Variants in L3MBTL4 observed in about 807,000 individuals in gnomAD.
L3MBTL4 encodes lethal(3)malignant brain tumor-like protein 4.
L3MBTL4 carries 70 observed loss-of-function variants against 84.5 expected under a neutral mutation model. The observed-to-expected ratio is 0.83, with a 90% CI of 0.68 to 1.01. The LOEUF is 1.01. Among genes scored for constraint, L3MBTL4 ranks in the 50% least tolerant of loss-of-function variants. L3MBTL4 has a pLI of 0.00. For missense variants in L3MBTL4, 715 were observed against 754.8 expected, an observed-to-expected ratio of 0.95 and a Z score of 0.62; for synonymous variants, 274 against 259.8, an observed-to-expected ratio of 1.05 and a Z score of -0.52.
chr18:6,163,362 C>T (rs1366255550), intron 13 of L3MBTL4, among the ~76,000 whole-genome samples: 2 of 147,806 alleles, frequency 1.4e-5, no homozygotes, highest in African/African-American at 5.0e-5. Flanking sequence ...TATATTGAAC[C>T]ACATCACAAG....
chr18:6,000,704 T>C (rs1481400141), intron 16 of L3MBTL4, among the ~76,000 whole-genome samples: 2 of 152,204 alleles, frequency 1.3e-5, no homozygotes, highest in East Asian at 1.9e-4. Context: ...GGGCATACCA[T>C]GTGCCACATT....
intron 14 of L3MBTL4, among the ~76,000 whole-genome samples, chr18:6,112,418 C>G (rs1306878283): frequency 6.6e-6 from 1 of 152,152 alleles, no homozygotes; most frequent in East Asian, 1.9e-4. Flanking sequence ...ATAAGCATGT[C>G]TTTAGGTATT....
chr18:6,370,774 G>A (rs939361098), intron 1 of L3MBTL4, among the ~76,000 whole-genome samples: 2 of 152,140 alleles, frequency 1.3e-5, no homozygotes, highest in African/African-American at 4.8e-5. Flanking sequence ...CAGGGACAGG[G>A]CTGAAGCACT....
intron 4 of L3MBTL4, among the ~76,000 whole-genome samples, chr18:6,293,904 G>A (rs368426917): frequency 2.0e-5 from 3 of 152,144 alleles, no homozygotes; most frequent in African/African-American, 4.8e-5. Context: ...CAGATTGAGG[G>A]GACGGGAGAT....
chr18:6,307,580 G>A (rs944305378), intron 3 of L3MBTL4, among the ~76,000 whole-genome samples: 9 of 152,108 alleles, frequency 5.9e-5, no homozygotes, highest in Non-Finnish European at 1.2e-4. Context: ...TCAAGCTCCC[G>A]ATGACTCTAC....
intron 16 of L3MBTL4, among the ~76,000 whole-genome samples, chr18:6,044,832 A>C (rs2056546267): frequency 6.6e-6 from 1 of 152,170 alleles, no homozygotes; most frequent in African/African-American, 2.4e-5. Context: ...TTGTACCTAA[A>C]GACCATAGAA....
At chr18:6,099,605 T>G (rs1275570926) in intron 14 of L3MBTL4, among the ~76,000 whole-genome samples, 3 of 118,998 alleles carry the variant, frequency 2.5e-5, no homozygotes, top group African/African-American at 8.8e-5. Context: ...TATATATATA[T>G]ATGGAGAGAG....
At position 6,233,947 on chromosome 18, in the gene L3MBTL4, T is replaced by C. The variant is rs150950294; in HGVS notation, c.784+4017A>G. ...CAAGACTACAGTAACCATAACAGCATGGTACTGGTACCAAAACAGAGATAT... is the reference window on the plus strand; with the variant it reads ...CAAGACTACAGTAACCATAACAGCACGGTACTGGTACCAAAACAGAGATAT... On this transcript the variant is annotated intron_variant, in intron 10 of 18. Coordinates refer to ENST00000317931, the MANE Select transcript of L3MBTL4 (RefSeq NM_001330559.2). Among the ~76,000 whole-genome samples the C allele has an allele frequency of 4.0e-3, 608 of 152,288 alleles. 3 individuals are homozygous for C. The highest frequency in any genetic ancestry group is 0.013 in the African/African-American group (560 of 41,554).
intron 3 of L3MBTL4, among the ~76,000 whole-genome samples, chr18:6,305,450 A>T (rs867023291): frequency 2.0e-4 from 30 of 152,350 alleles, no homozygotes; most frequent in African/African-American, 7.0e-4. Flanking sequence ...CTACACTGCT[A>T]TTAATGAACA....
At position 5,969,427 on chromosome 18, in the gene L3MBTL4, C is replaced by T. The variant is rs755021468; in HGVS notation, c.1580G>A (p.Arg527Gln). 18 of 1,613,712 alleles carry T rather than the reference C, an allele frequency of 1.1e-5. No homozygotes were observed. The highest frequency in any genetic ancestry group is 6.7e-5 in the East Asian group (3 of 44,860). The change falls in exon 17 of 19, where the codon CGG becomes CAG. Residue 527 changes from arginine to glutamine, a missense_variant. Physicochemically the swap from Arg to Gln is conservative, Grantham distance 43 (BLOSUM62 1). Coordinates refer to ENST00000317931, the MANE Select transcript of L3MBTL4 (RefSeq NM_001330559.2). ...CKLLPGVADI[R>Q]ASQVARWTVD... Reference sequence around the variant, plus strand: ...AGTCCAACGTGCCACTTGGCTGGCCCGGATGTCAGCCACGCCTGGAAGCAA... The same window carrying T: ...AGTCCAACGTGCCACTTGGCTGGCCTGGATGTCAGCCACGCCTGGAAGCAA...
intron 1 of L3MBTL4, among the ~76,000 whole-genome samples, chr18:6,332,995 C>A (rs2052120720): frequency 1.3e-5 from 2 of 151,936 alleles, no homozygotes; most frequent in African/African-American, 4.8e-5. Flanking sequence ...TTAACTATAC[C>A]CTACTTTGTG....
intron 5 of L3MBTL4, among the ~76,000 whole-genome samples, chr18:6,250,655 C>T (rs1261949358): frequency 6.6e-6 from 1 of 151,994 alleles, no homozygotes; most frequent in East Asian, 1.9e-4. Flanking sequence ...ATTGGGCCTG[C>T]AATCAAATCC....
intron 16 of L3MBTL4, among the ~76,000 whole-genome samples, chr18:6,018,420 G>T (rs1416744762): frequency 3.9e-5 from 6 of 152,170 alleles, no homozygotes; most frequent in Admixed American, 1.3e-4. Flanking sequence ...GCAAAGGCTA[G>T]AACCATGGGA....
At chr18:6,048,785 T>G (rs1242536444) in intron 16 of L3MBTL4, among the ~76,000 whole-genome samples, 1 of 107,318 alleles carries the variant, frequency 9.3e-6, no homozygotes, top group African/African-American at 4.4e-5. Flanking sequence ...TAAGACTCCA[T>G]CTCAAAAAAA....
chr18:6,210,300 G>A (rs1162116475), intron 12 of L3MBTL4, among the ~76,000 whole-genome samples: 1 of 152,192 alleles, frequency 6.6e-6, no homozygotes, highest in Non-Finnish European at 1.5e-5. Flanking sequence ...GACAATGTGG[G>A]CTTGGGCACA....
At chr18:6,213,981 T>C (rs1310044452) in intron 11 of L3MBTL4, among the ~76,000 whole-genome samples, 1 of 152,200 alleles carries the variant, frequency 6.6e-6, no homozygotes, top group African/African-American at 2.4e-5. Flanking sequence ...AGTTTCAAAC[T>C]GTATGGCACA....
intron 14 of L3MBTL4, among the ~76,000 whole-genome samples, chr18:6,121,098 A>T (rs1325764479): frequency 6.6e-6 from 1 of 152,214 alleles, no homozygotes; most frequent in Non-Finnish European, 1.5e-5. Context: ...ACAAAGAATT[A>T]TCTGTTGTCC....
chr18:5,961,686 C>T (rs977121743), intron 17 of L3MBTL4, among the ~76,000 whole-genome samples: 2 of 152,294 alleles, frequency 1.3e-5, no homozygotes, highest in African/African-American at 2.4e-5. Flanking sequence ...TCTGCTGGCC[C>T]GGGCTCTTAG....
At chr18:6,068,137 C>T (rs1255071093) in intron 16 of L3MBTL4, among the ~76,000 whole-genome samples, 3 of 152,106 alleles carry the variant, frequency 2.0e-5, no homozygotes, top group African/African-American at 7.2e-5. Context: ...ATGCATTTGG[C>T]CTGTGGGTAA....
Sources: gnomAD v4.1 joint callset for allele counts (sites outside exome capture counted in the v4.1 genomes callset) on GRCh38, gnomAD v4.1.1 for gene constraint, MANE v1.5 for transcripts, NCBI Gene and HGNC (gene_info 2026-07-23, HGNC 2026-07-21) for gene names.